CSMD1: variants seen among roughly 807,000 people sequenced by gnomAD.
The protein encoded by CSMD1 is CUB and Sushi multiple domains 1.
In CSMD1, 213 loss-of-function variants were observed where a neutral mutation model predicts 417.5. The observed-to-expected ratio is 0.51, with a 90% CI of 0.46 to 0.57. CSMD1 has a LOEUF of 0.57. Ranked by LOEUF, CSMD1 falls within the 20% of genes least tolerant of loss-of-function variation. The probability of loss-of-function intolerance (pLI) is 0.00; values close to 1 mark genes in which losing one functional copy is unlikely to be tolerated. For synonymous variants in CSMD1, 2,862 were observed against 1,736.8 expected, an observed-to-expected ratio of 1.65 and a Z score of -16.11; for missense variants, 6,923 against 4,529.7, an observed-to-expected ratio of 1.53 and a Z score of -15.17.
At chr8:3,461,189 TCAAA>T (rs947304491) in intron 12 of CSMD1, among the ~76,000 whole-genome samples, 20 of 152,084 alleles carry the variant, frequency 1.3e-4, no homozygotes, top group Non-Finnish European at 2.2e-4. Flanking sequence ...AGGGAAGTGC[TCAAA>T]CAAAGGCCTT....
At chr8:4,489,853 G>T (rs1360349212) in intron 2 of CSMD1, among the ~76,000 whole-genome samples, 1 of 152,132 alleles carries the variant, frequency 6.6e-6, no homozygotes, top group Non-Finnish European at 1.5e-5. Flanking sequence ...GAGGTCGTAA[G>T]CAGGGTGCCC....
intron 25 of CSMD1, among the ~76,000 whole-genome samples, chr8:3,287,099 G>C (rs1803218153): frequency 6.6e-6 from 1 of 151,888 alleles, no homozygotes; most frequent in Non-Finnish European, 1.5e-5. Context: ...CCCATTGCTT[G>C]TTTTTATCAG....
chr8:3,451,392 T>C (rs1000621452), intron 12 of CSMD1, among the ~76,000 whole-genome samples: 2 of 152,220 alleles, frequency 1.3e-5, no homozygotes, highest in African/African-American at 4.8e-5. Flanking sequence ...TCCTTGCCCA[T>C]GGCTATGTCC....
intron 6 of CSMD1, among the ~76,000 whole-genome samples, chr8:3,725,390 T>C (rs1238339594): frequency 6.6e-6 from 1 of 152,086 alleles, no homozygotes; most frequent in Non-Finnish European, 1.5e-5. Flanking sequence ...AGGATAGACA[T>C]CACTTGAACA....
chr8:4,679,858 A>G (rs1805926754), intron 1 of CSMD1, among the ~76,000 whole-genome samples: 1 of 152,182 alleles, frequency 6.6e-6, no homozygotes, highest in Non-Finnish European at 1.5e-5. Context: ...TGTAAAATAT[A>G]TACAATGCAT....
intron 5 of CSMD1, among the ~76,000 whole-genome samples, chr8:3,971,151 T>G (rs1431241342): frequency 6.8e-6 from 1 of 148,148 alleles, no homozygotes; most frequent in African/African-American, 2.5e-5. Flanking sequence ...ATATTCTATT[T>G]ACGCTGCCTC....
At chr8:3,990,916 C>G (rs181682924) in intron 5 of CSMD1, among the ~76,000 whole-genome samples, 5 of 152,286 alleles carry the variant, frequency 3.3e-5, no homozygotes, top group Non-Finnish European at 5.9e-5. Context: ...AAAGACCCTT[C>G]CTTCACTGCC....
At chr8:3,456,144 G>A (rs577283349) in intron 12 of CSMD1, among the ~76,000 whole-genome samples, 1 of 152,200 alleles carries the variant, frequency 6.6e-6, no homozygotes, top group Non-Finnish European at 1.5e-5. Context: ...TGTGCCATTT[G>A]CTAAGACCTT....
At chr8:3,654,461 G>C (rs1488310806) in intron 7 of CSMD1, among the ~76,000 whole-genome samples, 2 of 152,180 alleles carry the variant, frequency 1.3e-5, no homozygotes, top group Admixed American at 6.5e-5. Context: ...GGTACAGGAA[G>C]AGGGTACACA....
At position 4,294,718 on chromosome 8, in the gene CSMD1, A is replaced by C. The variant is rs187107349; in HGVS notation, c.415+125235T>G. Among the ~76,000 whole-genome samples the C allele has an allele frequency of 4.6e-5, 7 of 152,266 alleles. 1 individual carries two copies. Among genetic ancestry groups the C allele is most frequent in the African/African-American group, 1.7e-4 (7 of 41,566 alleles). ...CATCTATTTTAGCTTCTCTTCTCATATAATCTATTTTTTTCTTACTGTAAT... is the reference window on the plus strand; with the variant it reads ...CATCTATTTTAGCTTCTCTTCTCATCTAATCTATTTTTTTCTTACTGTAAT... On this transcript the variant is annotated intron_variant, in intron 3 of 69. Transcript: ENST00000635120.
chr8:4,131,293 C>A (rs1803087724), intron 3 of CSMD1, among the ~76,000 whole-genome samples: 2 of 152,142 alleles, frequency 1.3e-5, no homozygotes, highest in Admixed American at 1.3e-4. Context: ...GCTGAATCTA[C>A]ACAGAGCTTC....
At chr8:3,171,760 T>C (rs1296876056) in intron 37 of CSMD1, among the ~76,000 whole-genome samples, 1 of 152,194 alleles carries the variant, frequency 6.6e-6, no homozygotes, top group Non-Finnish European at 1.5e-5. Flanking sequence ...AATGAGACAA[T>C]ATACTTCTAT....
intron 36 of CSMD1, among the ~76,000 whole-genome samples, chr8:3,185,363 T>C (rs1821682717): frequency 6.6e-6 from 1 of 152,228 alleles, no homozygotes; most frequent in Non-Finnish European, 1.5e-5. Flanking sequence ...GGTCACTTCT[T>C]TTTTTCACTA....
intron 10 of CSMD1, among the ~76,000 whole-genome samples, chr8:3,510,234 G>A (rs1003469779): frequency 5.9e-5 from 9 of 151,914 alleles, no homozygotes; most frequent in African/African-American, 2.2e-4. Context: ...AGAAGTGGCC[G>A]ACTCCTGCCT....
At chr8:4,566,212 G>T (rs1186180070) in intron 2 of CSMD1, among the ~76,000 whole-genome samples, 1 of 152,040 alleles carries the variant, frequency 6.6e-6, no homozygotes, top group Non-Finnish European at 1.5e-5. Flanking sequence ...TAGTCAAAAT[G>T]TATACATTCA....
rs909871777 is a variant in CSMD1, at chr8:3,108,545, T to C, written c.6754+58A>G. ...CTGGAAACAAGGCGTGGGACAACACTGCAGGAAACACCACATGGAATTCTC... is the reference window on the plus strand; with the variant it reads ...CTGGAAACAAGGCGTGGGACAACACCGCAGGAAACACCACATGGAATTCTC... On this transcript the variant is annotated intron_variant, in intron 44 of 69. Transcript: ENST00000635120. 7.7e-6 allele frequency: 12 copies of C among 1,563,512 alleles called. No homozygotes were observed. The African/African-American group carries it at 1.4e-4, about 18-fold the overall frequency.
At chr8:3,173,072 A>G (rs2129044560) in intron 37 of CSMD1, among the ~76,000 whole-genome samples, 1 of 152,332 alleles carries the variant, frequency 6.6e-6, no homozygotes, top group East Asian at 1.9e-4. Flanking sequence ...AGACTTGTGG[A>G]GGACAACTTG....
chr8:3,665,246 C>T (rs950552303), intron 7 of CSMD1, among the ~76,000 whole-genome samples: 5 of 152,294 alleles, frequency 3.3e-5, no homozygotes, highest in Admixed American at 2.0e-4. Context: ...GTCAGCCAGG[C>T]ACAGTGGCTC....
chr8:4,150,965 C>T (rs889193737), intron 3 of CSMD1, among the ~76,000 whole-genome samples: 7 of 152,280 alleles, frequency 4.6e-5, no homozygotes, highest in Non-Finnish European at 7.4e-5. Flanking sequence ...CAGTAAAAGT[C>T]TTCCAGATAC....
Sources: gnomAD v4.1 joint callset for allele counts (sites outside exome capture counted in the v4.1 genomes callset) on GRCh38, gnomAD v4.1.1 for gene constraint, MANE v1.5 for transcripts, NCBI Gene and HGNC (gene_info 2026-07-23, HGNC 2026-07-21) for gene names.